The following GAS2 variants were observed in gnomAD, a reference collection of about 807,000 sequenced individuals.
GAS2 encodes the protein growth arrest-specific protein 2.
Under a neutral mutation model 37.5 loss-of-function variants are expected in GAS2, and 20 were observed. The observed-to-expected ratio is 0.53, with a 90% CI of 0.37 to 0.77. GAS2 has a LOEUF of 0.77. GAS2 is among the 30% of genes least tolerant of loss of function. The pLI is 0.00. For synonymous variants in GAS2, 144 were observed against 132.2 expected, an observed-to-expected ratio of 1.09 and a Z score of -0.61; for missense variants, 336 against 373.4, an observed-to-expected ratio of 0.90 and a Z score of 0.82.
At position 22,735,061 on chromosome 11, in the gene GAS2, C is replaced by A. The variant is rs192312622; in HGVS notation, c.410-2644C>A. 5.3e-3 allele frequency among the ~76,000 whole-genome samples: 797 copies of A among 151,724 alleles called. 5 individuals are homozygous for A. The highest frequency in any genetic ancestry group is 0.018 in the African/African-American group (753 of 41,474). Reference sequence around the variant, plus strand: ...TTTAGCCTTTATTCAGTTTGTTCATCATCACAACCCCTATCACCACCACCA... The same window carrying A: ...TTTAGCCTTTATTCAGTTTGTTCATAATCACAACCCCTATCACCACCACCA... On this transcript the variant is annotated intron_variant, in intron 4 of 7. Coordinates refer to ENST00000454584, the MANE Select transcript of GAS2 (RefSeq NM_001143830.3).
At chr11:22,805,608 CAT>C (rs1856848391) in intron 7 of GAS2, among the ~76,000 whole-genome samples, 1 of 152,064 alleles carries the variant, frequency 6.6e-6, no homozygotes, top group Non-Finnish European at 1.5e-5. Context: ...TTAGATTCCA[CAT>C]ATGAGTGAAA....
intron 1 of GAS2, among the ~76,000 whole-genome samples, chr11:22,670,833 A>T (rs1849169102): frequency 6.6e-6 from 1 of 152,082 alleles, no homozygotes; most frequent in Non-Finnish European, 1.5e-5. Flanking sequence ...CCAATATTCT[A>T]TCCATTATTC....
At chr11:22,704,576 A>G (rs1851006305) in intron 3 of GAS2, among the ~76,000 whole-genome samples, 1 of 110,678 alleles carries the variant, frequency 9.0e-6, no homozygotes, top group African/African-American at 4.0e-5. Context: ...ATTAGAAGCC[A>G]GTGAAAATAA....
intron 1 of GAS2, among the ~76,000 whole-genome samples, chr11:22,643,080 A>T (rs1022052938): frequency 1.4e-4 from 21 of 151,914 alleles, no homozygotes; most frequent in African/African-American, 5.1e-4. Flanking sequence ...AAATAACTTT[A>T]TATAATAAAG....
chr11:22,745,338 A>G lies in GAS2; in HGVS notation c.474-3782A>G, dbSNP rs889033430. On this transcript the variant is annotated intron_variant, in intron 5 of 7. Transcript: ENST00000454584. ...CTACAGCCATCTGATCTTTGACAAC[A>G]TTACCAAAAATAAGCAATGGAGAAA... 3.0e-4 allele frequency among the ~76,000 whole-genome samples: 45 copies of G among 152,204 alleles called. 1 individual carries two copies. Among genetic ancestry groups the G allele is most frequent in the African/African-American group, 1.0e-3 (42 of 41,552 alleles).
intron 7 of GAS2, among the ~76,000 whole-genome samples, chr11:22,802,500 C>CT (rs936686241): frequency 1.3e-5 from 2 of 150,176 alleles, no homozygotes; most frequent in Admixed American, 6.6e-5. Flanking sequence ...TGGTCACGGT[C>CT]TTTTTTTTCC....
At chr11:22,793,687 A>G (rs1463182639) in intron 7 of GAS2, among the ~76,000 whole-genome samples, 2 of 152,202 alleles carry the variant, frequency 1.3e-5, no homozygotes, top group Non-Finnish European at 2.9e-5. Flanking sequence ...AGATAAAACA[A>G]AGGAAAAGCA....
intron 7 of GAS2, among the ~76,000 whole-genome samples, chr11:22,762,376 G>A (rs1854438603): frequency 1.3e-5 from 2 of 152,002 alleles, no homozygotes; most frequent in South Asian, 2.1e-4. Flanking sequence ...CTTGGAAATT[G>A]TTTTTATCTT....
intron 1 of GAS2, among the ~76,000 whole-genome samples, chr11:22,631,036 T>C (rs1040565749): frequency 6.6e-6 from 1 of 152,234 alleles, no homozygotes; most frequent in Non-Finnish European, 1.5e-5. Context: ...TGTTTTGTAG[T>C]TCTCCTTGTA....
At chr11:22,711,151 A>C (rs184559975) in intron 3 of GAS2, among the ~76,000 whole-genome samples, 30 of 152,298 alleles carry the variant, frequency 2.0e-4, no homozygotes, top group Admixed American at 1.6e-3. Flanking sequence ...ATGAGTTCCC[A>C]AAGTGTGAGG....
In GAS2 at chr11:22,653,150, C is replaced by T. The variant is rs11026718; in HGVS notation, c.-20-21700C>T. Among the ~76,000 whole-genome samples the T allele has an allele frequency of 3.7e-3, 566 of 151,382 alleles. 15 individuals are homozygous for T. The East Asian group carries it at 0.076, about 20-fold the overall frequency. ...TTTCTTGCCTCGTCTCCTCTCCTCT[C>T]CTCCTGCTTTTTCTTCCCCTTACGT... On this transcript the variant is annotated intron_variant, in intron 1 of 5. Coordinates refer to the GAS2 transcript ENST00000528582.
At chr11:22,764,551 G>C (rs1191501295) in intron 7 of GAS2, among the ~76,000 whole-genome samples, 1 of 113,376 alleles carries the variant, frequency 8.8e-6, no homozygotes, top group African/African-American at 3.5e-5. Context: ...GACAGAGCAA[G>C]ACTCCGTCTC....
At chr11:22,727,502 T>C (rs1852272523) in intron 4 of GAS2, among the ~76,000 whole-genome samples, 1 of 152,014 alleles carries the variant, frequency 6.6e-6, no homozygotes, top group African/African-American at 2.4e-5. Context: ...AGGAAATCTG[T>C]ATTTGTTCTC....
chr11:22,739,096 T>C (rs1406260170), intron 5 of GAS2, among the ~76,000 whole-genome samples: 1 of 152,160 alleles, frequency 6.6e-6, no homozygotes, highest in Non-Finnish European at 1.5e-5. Flanking sequence ...GGCTGTTTCT[T>C]AGGACTTCGT....
intron 1 of GAS2, among the ~76,000 whole-genome samples, chr11:22,650,168 G>T (rs199705625): frequency 0.045 from 6,770 of 151,096 alleles, 321 homozygotes; most frequent in East Asian, 0.28. Context: ...CCTTCATTTC[G>T]TTATGTACCC....
intron 7 of GAS2, among the ~76,000 whole-genome samples, chr11:22,809,487 A>G (rs889910473): frequency 5.9e-5 from 9 of 151,656 alleles, no homozygotes; most frequent in African/African-American, 2.2e-4. Context: ...ATTTATTATT[A>G]TTATTATCAT....
chr11:22,765,891 T>C (rs887099950), intron 7 of GAS2, among the ~76,000 whole-genome samples: 1 of 152,120 alleles, frequency 6.6e-6, no homozygotes, highest in Non-Finnish European at 1.5e-5. Context: ...TCAGGAGGCC[T>C]CAGGAAGTTT....
chr11:22,722,504 A>G (rs1157918204), intron 3 of GAS2, among the ~76,000 whole-genome samples: 2 of 151,950 alleles, frequency 1.3e-5, no homozygotes, highest in Admixed American at 6.6e-5. Context: ...GACTCTTGCT[A>G]GTGAGTGAGT....
chr11:22,674,494 A>G (rs1849335948), intron 1 of GAS2, among the ~76,000 whole-genome samples: 1 of 152,228 alleles, frequency 6.6e-6, no homozygotes, highest in African/African-American at 2.4e-5. Context: ...TAAATAGCCC[A>G]AACAATGGGA....
Sources: allele counts gnomAD v4.1 joint callset (sites outside exome capture counted in the v4.1 genomes callset), GRCh38; gene constraint gnomAD v4.1.1; transcripts MANE v1.5; gene names NCBI Gene and HGNC (gene_info 2026-07-23, HGNC 2026-07-21).